GNL3: variants seen among roughly 807,000 people sequenced by gnomAD.
GNL3 encodes G protein nucleolar 3.
GNL3 carries 77 observed loss-of-function variants against 70.6 expected under a neutral mutation model. The ratio of observed to expected loss-of-function variants is 1.09; its 90% CI spans 0.91 to 1.32. GNL3 has a LOEUF of 1.32. Among genes scored for constraint, GNL3 ranks in the 40% most tolerant of loss-of-function variants. The probability of loss-of-function intolerance (pLI) is 0.00; values close to 1 mark genes in which losing one functional copy is unlikely to be tolerated. For synonymous variants in GNL3, 252 were observed against 216.1 expected (o/e 1.17, Z -1.46); for missense variants, 634 against 644.0 (o/e 0.98, Z 0.17).
At chr3:52,686,366 G>C (rs922971810) in intron 1 of GNL3, 48 of 589,360 alleles carry the variant, frequency 8.1e-5, no homozygotes, top group Admixed American at 5.9e-4. Flanking sequence ...AGGAAGCAGC[G>C]TCTGAGCCAG....
chr3:52,689,861 A>G (rs1179981071), intron 6 of GNL3, among the ~76,000 whole-genome samples: 2 of 152,182 alleles, frequency 1.3e-5, no homozygotes, highest in Non-Finnish European at 2.9e-5. Flanking sequence ...CTGAGGCAGG[A>G]GAATTGCTTG....
intron 2 of GNL3, 79 bp downstream of exon 2, chr3:52,686,906 G>T (rs1190486265): frequency 1.8e-6 from 2 of 1,101,752 alleles, no homozygotes; most frequent in African/African-American, 3.1e-5. Flanking sequence ...GGAAAGTCTG[G>T]GTTAATGTGA....
chr3:52,691,754 G>C, intron 9 of GNL3, 125 bp downstream of exon 9: 1 of 632,132 alleles, frequency 1.6e-6, no homozygotes, highest in Non-Finnish European at 2.8e-6. Flanking sequence ...CCAGGCTGGA[G>C]GGCAATGGCG....
chr3:52,693,659 G>C lies in GNL3; in HGVS notation c.1352G>C (p.Ser451Thr), dbSNP rs34216132. The C allele has an allele frequency of 2.2e-3, 3,493 of 1,614,166 alleles. 6 individuals carry two copies. The highest frequency in any genetic ancestry group is 4.0e-3 in the Middle Eastern group (24 of 6,060). Residue 451 changes from serine to threonine, a missense_variant, in exon 13 of 15, where the codon AGC (serine) becomes ACC (threonine). Ser to Thr is a moderately conservative substitution (Grantham distance 58, BLOSUM62 1). Coordinates refer to ENST00000418458, the MANE Select transcript of GNL3 (RefSeq NM_014366.5). The stretch of plus-strand genomic sequence containing the variant: ...ATCAAGGGCCCTCATTTGGCCAATA[G>C]CATCCTTTTCCAGTCTTCCGGTCTG... ...RAIKGPHLAN[S>T]ILFQSSGLTN...
intron 1 of GNL3, 59 bp downstream of exon 1, chr3:52,686,164 C>T: frequency 6.4e-7 from 1 of 1,572,426 alleles, no homozygotes; most frequent in African/African-American, 1.4e-5. Flanking sequence ...GCTGCAGCCA[C>T]CACGACGCTC....
At position 52,686,055 on chromosome 3, in the gene GNL3, G is replaced by A. The variant is rs769789577; in HGVS notation, c.-38G>A. On this transcript the variant is annotated 5_prime_UTR_variant, in exon 1 of 15. Transcript: ENST00000418458. ...TCAGTTCACACGTGGCGCCAGCGGA[G>A]GCAGGTTGATGTGTTTGTGCTTCCT... The A allele has an allele frequency of 7.8e-5, 74 of 945,732 alleles. No individual in the cohort carries two copies. Among genetic ancestry groups the A allele is most frequent in the Admixed American group, 8.4e-5 (5 of 59,236 alleles). 58.6% of individuals were successfully genotyped at this position (945,732 alleles called of 1,614,324 possible). A position where few individuals can be genotyped will look rare whatever the true frequency, so the allele number is the denominator to read the frequency against.
chr3:52,690,506 G>C (rs896971783), intron 6 of GNL3, 86 bp from the exon 7 acceptor site: 1 of 732,472 alleles, frequency 1.4e-6, no homozygotes, highest in African/African-American at 1.8e-5. Context: ...CTCGTGATCC[G>C]CCTGTCTCGG....
Position 52,689,160 on chromosome 3 carries a change from T to C in GNL3, c.495T>C (p.Ile165=), listed in dbSNP as rs771730213. Reference sequence around the variant, plus strand: ...GATGTCCTCAGGTAGAAGAGGCCATTGTCCAGAGTGGACAGAAAAAGCTGG... The same window carrying C: ...GATGTCCTCAGGTAGAAGAGGCCATCGTCCAGAGTGGACAGAAAAAGCTGG... ...GCRCPQVEEA[I]VQSGQKKLVL... is the part of the protein sequence containing the mutation. Residue 165 remains isoleucine, a synonymous_variant, in exon 6 of 15, where the codon ATT becomes ATC. Transcript: ENST00000418458. 4 of 1,612,894 alleles carry C rather than the reference T, an allele frequency of 2.5e-6. No homozygotes were observed. In the Admixed American group the frequency reaches 6.7e-5, roughly 27 times the overall value.
intron 2 of GNL3, 53 bp downstream of exon 2, chr3:52,686,880 G>T: frequency 7.4e-7 from 1 of 1,354,444 alleles, no homozygotes; most frequent in Non-Finnish European, 1.1e-6. Flanking sequence ...AACTGATTTT[G>T]CCCTGTTCCT....
rs1271958558 is a variant in GNL3, at chr3:52,693,206, T to C, written c.1064T>C (p.Val355Ala). The C allele has an allele frequency of 1.2e-6, 2 of 1,613,572 alleles. No homozygotes were observed. Among genetic ancestry groups the C allele is most frequent in the Non-Finnish European group, 1.7e-6 (2 of 1,179,762 alleles). The stretch of plus-strand genomic sequence containing the variant: ...TTTAAGGTAGTACTGAAATATACTG[T>C]CCCAGGCTACAGGAATTCTCTGGAA... ...DARQVVLKYT[V>A]PGYRNSLEFF... The change falls in exon 11 of 15, where the codon GTC becomes GCC. Residue 355 changes from valine to alanine, a missense_variant. By Grantham distance (64) the Val-to-Ala change is moderately conservative. Coordinates refer to ENST00000418458, the MANE Select transcript of GNL3 (RefSeq NM_014366.5).
intron 9 of GNL3, among the ~76,000 whole-genome samples, chr3:52,691,847 C>G (rs1014150075): frequency 6.6e-6 from 1 of 152,040 alleles, no homozygotes; most frequent in African/African-American, 2.4e-5. Context: ...GGATTACAGG[C>G]ATGTGCCCCC....
chr3:52,691,541 G>A lies in GNL3; in HGVS notation c.782-1G>A. 1 of 1,539,718 alleles carries A rather than the reference G, an allele frequency of 6.5e-7. No individual in the cohort carries two copies. Among genetic ancestry groups the A allele is most frequent in the Non-Finnish European group, 9.0e-7 (1 of 1,116,016 alleles). ...TATCTGGATTTCCCATTTATTTGTA[G>A]GTTTCCCAAATGTGGGGAAAAGCAG... On this transcript the variant is annotated splice_acceptor_variant, in intron 8 of 14. Coordinates refer to ENST00000418458, the MANE Select transcript of GNL3 (RefSeq NM_014366.5). LOFTEE classifies it high-confidence loss of function.
rs376863542 is a variant in GNL3, at chr3:52,693,561, G to A, written c.1324+17G>A. The A allele has an allele frequency of 7.2e-5, 117 of 1,613,966 alleles. No individual in the cohort carries two copies. The highest frequency in any genetic ancestry group is 1.7e-4 in the Admixed American group (10 of 59,996). ...GCATAAGAGGTGAGAATTGTGTGTC[G>A]CTGCTGTCTTCATCAGCTGACAGGC... is the stretch of plus-strand genomic sequence containing the variant. On this transcript the variant is annotated intron_variant, in intron 12 of 14. Coordinates refer to ENST00000418458, the MANE Select transcript of GNL3 (RefSeq NM_014366.5).
At chr3:52,690,446 G>A (rs917520246) in intron 6 of GNL3, 146 bp from the exon 7 acceptor site, 2 of 540,784 alleles carry the variant, frequency 3.7e-6, no homozygotes, top group African/African-American at 1.9e-5. Context: ...TGTATTTTTA[G>A]TAGAGACGGG....
At chr3:52,693,877 T>C in intron 13 of GNL3, 70 bp downstream of exon 13, 1 of 1,409,154 alleles carries the variant, frequency 7.1e-7, no homozygotes, top group Non-Finnish European at 9.9e-7. Context: ...TGGAAGGAAC[T>C]GAAGATAGGA....
At chr3:52,692,759 C>A in intron 9 of GNL3, 113 bp from the exon 10 acceptor site, 1 of 813,232 alleles carries the variant, frequency 1.2e-6, no homozygotes, top group Non-Finnish European at 2.2e-6. Flanking sequence ...TGATGATAAA[C>A]TGGATCTGAC....
At chr3:52,690,214 G>T (rs771688685) in intron 6 of GNL3, among the ~76,000 whole-genome samples, 2 of 152,200 alleles carry the variant, frequency 1.3e-5, no homozygotes, top group African/African-American at 2.4e-5. Context: ...ATAGTTGCCA[G>T]ATTTTGCAAA....
intron 7 of GNL3, 39 bp downstream of exon 7, chr3:52,690,743 A>G: frequency 7.6e-7 from 1 of 1,317,300 alleles, no homozygotes; most frequent in Non-Finnish European, 1.1e-6. Flanking sequence ...ATTCTTTCAG[A>G]TTTTGGTTGA....
In GNL3 at chr3:52,693,259, G is replaced by C. The variant is rs35220141; in HGVS notation, c.1117G>C (p.Gly373Arg). 302 of 1,614,056 alleles carry C rather than the reference G, an allele frequency of 1.9e-4. 1 individual carries two copies. The African/African-American group carries it at 3.2e-3, about 17-fold the overall frequency. Reference protein sequence around the residue: ...EFFTVLAQRRGMHQKGGIPNV... With the variant: ...EFFTVLAQRRRMHQKGGIPNV... ...TTTTACTGTGCTTGCTCAGAGAAGAGGTATGCACCAAAAAGGTGGAATCCC... is the reference window on the plus strand; with the variant it reads ...TTTTACTGTGCTTGCTCAGAGAAGACGTATGCACCAAAAAGGTGGAATCCC... Residue 373 changes from glycine to arginine, a missense_variant, in exon 11 of 15, where the codon GGT (glycine) becomes CGT (arginine). Gly to Arg is a moderately radical substitution (Grantham distance 125). Transcript: ENST00000418458.
Sources: gnomAD v4.1 joint callset for allele counts (sites outside exome capture counted in the v4.1 genomes callset) on GRCh38, gnomAD v4.1.1 for gene constraint, MANE v1.5 for transcripts, NCBI Gene and HGNC (gene_info 2026-07-23, HGNC 2026-07-21) for gene names.